Variants in SLC12A2 observed in about 807,000 individuals in gnomAD.
SLC12A2 encodes the protein Na-K-2Cl cotransporter 1.
A neutral mutation model predicts 136.3 loss-of-function variants in SLC12A2; 67 were observed. That is an observed-to-expected ratio of 0.49 (90% CI 0.40 to 0.60). The LOEUF is 0.60. SLC12A2 is among the 20% of genes least tolerant of loss of function. The pLI, the probability that SLC12A2 is intolerant of heterozygous loss-of-function variation, is 0.00. For synonymous variants in SLC12A2, 619 were observed against 562.9 expected, an observed-to-expected ratio of 1.10 and a Z score of -1.41; for missense variants, 1,322 against 1,534.7, an observed-to-expected ratio of 0.86 and a Z score of 2.32.
intron 26 of SLC12A2, 119 bp from the exon 27 acceptor site, chr5:128,186,377 T>A: frequency 1.0e-6 from 1 of 995,402 alleles, no homozygotes; most frequent in South Asian, 1.9e-5. Context: ...AAATATTCTG[T>A]AATTATAGTA....
chr5:128,096,480 T>C (rs1760542058), intron 1 of SLC12A2, among the ~76,000 whole-genome samples: 1 of 152,096 alleles, frequency 6.6e-6, no homozygotes, highest in Non-Finnish European at 1.5e-5. Context: ...TAACTCTTTA[T>C]AGGAAGATTT....
In SLC12A2 at chr5:128,084,760, C is replaced by A; in HGVS notation, c.756+50C>A. The A allele has an allele frequency of 1.3e-6, 2 of 1,490,652 alleles. No individual in the cohort carries two copies. The highest frequency in any genetic ancestry group is 1.3e-5 in the South Asian group (1 of 74,658). 92.3% of individuals were successfully genotyped at this position (1,490,652 alleles called of 1,614,324 possible). ...TTCCCCAGCCCCTGGTGCATGCCGA[C>A]CGCGGGATGTGGCTGCAGACTCTTC... On this transcript the variant is annotated intron_variant, in intron 1 of 26. Transcript: ENST00000262461. This position sits in a 1 kb window ranked among gnomAD's most constrained non-coding sequence, Gnocchi z 5.6.
In SLC12A2 at chr5:128,165,925, C is replaced by G. The variant is rs60288625; in HGVS notation, c.2617-1836C>G. Among the ~76,000 whole-genome samples, 951 of 121,208 alleles carry G rather than the reference C, an allele frequency of 7.8e-3. 56 individuals carry two copies. The highest frequency in any genetic ancestry group is 0.056 in the East Asian group (205 of 3,682). 79.5% of individuals were successfully genotyped at this position (121,208 alleles called of 152,430 possible). On this transcript the variant is annotated intron_variant, in intron 17 of 26. Coordinates refer to ENST00000262461, the MANE Select transcript of SLC12A2 (RefSeq NM_001046.3). Reference sequence around the variant, plus strand: ...TCTTGGTTTTCTTTTACCTCCCCCCCCCCCCCCCAGTTAAAAATATGCTGT... The same window carrying G: ...TCTTGGTTTTCTTTTACCTCCCCCCGCCCCCCCCAGTTAAAAATATGCTGT...
intron 22 of SLC12A2, 54 bp from the exon 23 acceptor site, chr5:128,180,829 C>A: frequency 2.0e-6 from 2 of 1,014,738 alleles, no homozygotes; most frequent in Non-Finnish European, 3.1e-6. Flanking sequence ...AATTGATGTT[C>A]CTGATTAAGA....
At chr5:128,156,628 A>G (rs1426949023) in intron 15 of SLC12A2, among the ~76,000 whole-genome samples, 1 of 152,210 alleles carries the variant, frequency 6.6e-6, no homozygotes, top group Non-Finnish European at 1.5e-5. Context: ...ACAGTGGCTC[A>G]AACAAGAGAG....
In SLC12A2 at chr5:128,186,743, A is replaced by G; in HGVS notation, c.*112A>G. ...AATGGCGAATGGTGACTTTTCTTTC[A>G]CGATTTCATTAATTTGAAAGCACAC... On this transcript the variant is annotated 3_prime_UTR_variant, in exon 27 of 27. Coordinates refer to ENST00000262461, the MANE Select transcript of SLC12A2 (RefSeq NM_001046.3). The G allele has an allele frequency of 8.7e-7, 1 of 1,153,882 alleles. No homozygotes were observed. The highest frequency in any genetic ancestry group is 2.4e-5 in the East Asian group (1 of 42,146). The allele number at this position is 1,153,882 out of a possible 1,614,324, so 71.5% of individuals were successfully genotyped here.
intron 1 of SLC12A2, chr5:128,109,589 C>T: frequency 1.4e-6 from 1 of 726,702 alleles, no homozygotes; most frequent in Non-Finnish European, 2.6e-6. Context: ...AATATGGGGA[C>T]CCAGGTTAAA....
At chr5:128,152,979 T>C (rs954457479) in intron 15 of SLC12A2, among the ~76,000 whole-genome samples, 174 bp downstream of exon 15, 6 of 152,206 alleles carry the variant, frequency 3.9e-5, no homozygotes, top group Non-Finnish European at 5.9e-5. Context: ...AAAAATGTTA[T>C]GAGGGTTTTG....
intron 4 of SLC12A2, among the ~76,000 whole-genome samples, chr5:128,120,105 A>C (rs1226330339): frequency 6.6e-6 from 1 of 152,166 alleles, no homozygotes; most frequent in Non-Finnish European, 1.5e-5. Context: ...GACACATGAA[A>C]AAATGCTCAT....
At chr5:128,119,846 A>G (rs544685897) in intron 4 of SLC12A2, among the ~76,000 whole-genome samples, 7 of 152,216 alleles carry the variant, frequency 4.6e-5, no homozygotes, top group Non-Finnish European at 7.3e-5. Flanking sequence ...ACAAAAGCCA[A>G]AATTGACAAA....
At chr5:128,180,739 CT>C in intron 22 of SLC12A2, 143 bp from the exon 23 acceptor site, 1 of 598,842 alleles carries the variant, frequency 1.7e-6, no homozygotes, top group Non-Finnish European at 3.0e-6. Flanking sequence ...CTGCTAATGG[CT>C]TTTTGACTGA....
intron 1 of SLC12A2, among the ~76,000 whole-genome samples, chr5:128,108,627 G>A (rs540282388): frequency 6.6e-6 from 1 of 152,274 alleles, no homozygotes; most frequent in South Asian, 2.1e-4. Flanking sequence ...TTGGTGATTG[G>A]CAGGGGCTGA....
chr5:128,103,760 A>T (rs948836967), intron 1 of SLC12A2, among the ~76,000 whole-genome samples: 6 of 152,230 alleles, frequency 3.9e-5, no homozygotes, highest in African/African-American at 9.6e-5. Flanking sequence ...GCAAGCCAAA[A>T]GTCCCTCAGG....
At chr5:128,145,140 A>G (rs903188711) in intron 10 of SLC12A2, among the ~76,000 whole-genome samples, 3 of 152,106 alleles carry the variant, frequency 2.0e-5, no homozygotes, top group African/African-American at 7.2e-5. Context: ...GTATTTCCAG[A>G]TGAAAAGCCT....
chr5:128,092,099 A>G (rs1367000876), intron 1 of SLC12A2, among the ~76,000 whole-genome samples: 3 of 152,112 alleles, frequency 2.0e-5, no homozygotes, highest in African/African-American at 7.2e-5. Context: ...ATCATTAGAG[A>G]CCTGCCCTTC....
chr5:128,184,658 A>G, intron 25 of SLC12A2, 131 bp from the exon 26 acceptor site: 1 of 1,476,400 alleles, frequency 6.8e-7, no homozygotes, highest in South Asian at 1.3e-5. Flanking sequence ...AAAAAAAATA[A>G]AAATAGAGAA....
chr5:128,141,612 C>T (rs929987107), intron 9 of SLC12A2, among the ~76,000 whole-genome samples: 2 of 152,120 alleles, frequency 1.3e-5, no homozygotes, highest in Non-Finnish European at 2.9e-5. Flanking sequence ...AAATACTATT[C>T]TTTATAAAAG....
chr5:128,117,674 C>G (rs972208659), intron 4 of SLC12A2, among the ~76,000 whole-genome samples: 1 of 152,082 alleles, frequency 6.6e-6, no homozygotes, highest in African/African-American at 2.4e-5. Context: ...GCAAAGAATT[C>G]ATGACCAAAA....
chr5:128,109,719 A>C, intron 1 of SLC12A2: 1 of 1,169,898 alleles, frequency 8.5e-7, no homozygotes, highest in Non-Finnish European at 1.3e-6. Flanking sequence ...GCACCAGAGG[A>C]GCAATTCACT....
Sources: gnomAD v4.1 joint callset for allele counts (sites outside exome capture counted in the v4.1 genomes callset) on GRCh38, gnomAD v4.1.1 for gene constraint, Gnocchi (gnomAD v3.1) non-coding constraint, MANE v1.5 for transcripts, NCBI Gene and HGNC (gene_info 2026-07-23, HGNC 2026-07-21) for gene names.